Variants in ARRB1 observed in about 807,000 individuals in gnomAD.
ARRB1 encodes beta-arrestin-1.
In ARRB1, 21 loss-of-function variants were observed where a neutral mutation model predicts 56.8. The observed-to-expected ratio is 0.37, with a 90% CI of 0.26 to 0.53. The LOEUF (loss-of-function observed/expected upper bound fraction) is 0.53. Ranked by LOEUF, ARRB1 falls within the 20% of genes least tolerant of loss-of-function variation. ARRB1 has a pLI of 0.88. For missense variants in ARRB1, 424 were observed against 553.7 expected, an observed-to-expected ratio of 0.77 and a Z score of 2.35; for synonymous variants, 210 against 218.6, an observed-to-expected ratio of 0.96 and a Z score of 0.35.
chr11:75,271,917 C>G (rs759410112), intron 12 of ARRB1, among the ~76,000 whole-genome samples, 193 bp from the exon 13 acceptor site: 1 of 152,142 alleles, frequency 6.6e-6, no homozygotes, highest in Non-Finnish European at 1.5e-5. Flanking sequence ...AGCCCTGCCC[C>G]GAGGGACTGG....
intron 1 of ARRB1, among the ~76,000 whole-genome samples, chr11:75,295,186 C>A (rs1591935818): frequency 7.5e-6 from 1 of 133,294 alleles, no homozygotes; most frequent in East Asian, 2.3e-4. Flanking sequence ...TGTGCCACTG[C>A]ACTTGAGCCT....
chr11:75,342,428 G>A (rs1947704904), intron 1 of ARRB1, among the ~76,000 whole-genome samples: 1 of 152,212 alleles, frequency 6.6e-6, no homozygotes, highest in Non-Finnish European at 1.5e-5. Context: ...TCTGTCCCCA[G>A]TAATTAGGTG....
chr11:75,350,727 G>A (rs1947835644), intron 1 of ARRB1, among the ~76,000 whole-genome samples: 1 of 152,242 alleles, frequency 6.6e-6, no homozygotes, highest in African/African-American at 2.4e-5. Context: ...AGAGGGAAAG[G>A]GAACAGAGTA....
chr11:75,285,065 C>T (rs764954326), intron 3 of ARRB1, among the ~76,000 whole-genome samples: 2 of 152,206 alleles, frequency 1.3e-5, no homozygotes, highest in Non-Finnish European at 2.9e-5. Context: ...AATAGCCTCG[C>T]ATCAGTTTGG....
intron 1 of ARRB1, among the ~76,000 whole-genome samples, chr11:75,351,362 G>A (rs773935284): frequency 7.9e-5 from 12 of 152,220 alleles, no homozygotes; most frequent in Non-Finnish European, 1.3e-4. Context: ...GTGTGTCCGG[G>A]CCAGGAGCTG....
At chr11:75,341,708 C>T (rs900991157) in intron 1 of ARRB1, among the ~76,000 whole-genome samples, 1 of 152,200 alleles carries the variant, frequency 6.6e-6, no homozygotes, top group African/African-American at 2.4e-5. Flanking sequence ...ATGACACTGC[C>T]CAGCCCTGGG....
In ARRB1 at chr11:75,280,539, T is replaced by C. The variant is rs1478617880; in HGVS notation, c.482+536A>G. 1.5e-4 allele frequency among the ~76,000 whole-genome samples: 23 copies of C among 152,208 alleles called. 1 individual carries two copies. The highest frequency in any genetic ancestry group is 1.5e-5 in the Non-Finnish European group (1 of 68,042). ...TTTCTGGCTGCCAGCCTGGGCTCTC[T>C]GTCTGCCCGGGCTGTTCTTCTCCAG... On this transcript the variant is annotated intron_variant, in intron 7 of 15. Transcript: ENST00000420843.
chr11:75,303,728 T>A, intron 1 of ARRB1: 1 of 455,856 alleles, frequency 2.2e-6, no homozygotes, highest in South Asian at 1.5e-5. Flanking sequence ...AGGAGGTGCA[T>A]GTGTGATGTG....
chr11:75,293,958 C>A (rs1287843779), intron 1 of ARRB1, among the ~76,000 whole-genome samples: 1 of 152,184 alleles, frequency 6.6e-6, no homozygotes, highest in Non-Finnish European at 1.5e-5. Flanking sequence ...CAAGGCTTTT[C>A]TCCTCCTCCA....
chr11:75,346,934 G>A (rs1369703628), intron 1 of ARRB1, among the ~76,000 whole-genome samples: 3 of 152,102 alleles, frequency 2.0e-5, no homozygotes, highest in Non-Finnish European at 4.4e-5. Context: ...CCCTCACCAA[G>A]CTGCTCCCAG....
intron 1 of ARRB1, among the ~76,000 whole-genome samples, chr11:75,307,995 A>G (rs1244696092): frequency 2.6e-5 from 4 of 152,176 alleles, no homozygotes; most frequent in Non-Finnish European, 5.9e-5. Context: ...CCCATCATCA[A>G]ACTTTATCAG....
At position 75,263,831 on chromosome 11, in the gene ARRB1, G is replaced by A. The variant is rs891358430; in HGVS notation, c.*2332C>T. On this transcript the variant is annotated 3_prime_UTR_variant, in exon 16 of 16. Transcript: ENST00000420843. ...CTGGGCTAAACCCAAAAGGGTGAGC[G>A]TGATGTTGAGGTGCAGGAGGCTCGG... Among the ~76,000 whole-genome samples the A allele has an allele frequency of 4.6e-5, 7 of 152,174 alleles. No individual in the cohort carries two copies. The highest frequency in any genetic ancestry group is 1.9e-4 in the East Asian group (1 of 5,196).
chr11:75,299,593 C>A (rs775270349), intron 1 of ARRB1, among the ~76,000 whole-genome samples: 5 of 152,206 alleles, frequency 3.3e-5, no homozygotes, highest in Non-Finnish European at 7.4e-5. Context: ...CCTAATGTAT[C>A]GTATACTCAG....
Position 75,287,388 on chromosome 11 carries a change from G to T in ARRB1, c.52-13C>A. The T allele has an allele frequency of 6.4e-7, 1 of 1,556,772 alleles. No homozygotes were observed. ...GGTAGACGGTGAGCTGAGGAGGAGAGGCATAGGGGGCGTTAGCAGCTGCAG... is the reference window on the plus strand; with the variant it reads ...GGTAGACGGTGAGCTGAGGAGGAGATGCATAGGGGGCGTTAGCAGCTGCAG... On this transcript the variant is annotated splice_polypyrimidine_tract_variant and intron_variant, in intron 2 of 15. Transcript: ENST00000420843.
rs928953403 is a variant in ARRB1 at position 75,278,488 on chromosome 11, C to T, written c.618+121G>A. Reference sequence around the variant, plus strand: ...TCTCAGATTCCCTGACCCCTGTGGTCCTTGGGCTGGGGATAGAAGCTCCTA... The same window carrying T: ...TCTCAGATTCCCTGACCCCTGTGGTTCTTGGGCTGGGGATAGAAGCTCCTA... On this transcript the variant is annotated intron_variant, in intron 8 of 15. Transcript: ENST00000420843. 5.7e-6 allele frequency: 8 copies of T among 1,408,550 alleles called. No individual in the cohort carries two copies. The South Asian group carries it at 8.0e-5, about 14-fold the overall frequency. 87.3% of individuals were successfully genotyped at this position (1,408,550 alleles called of 1,614,324 possible). A position where few individuals can be genotyped will look rare whatever the true frequency, so the allele number is the denominator to read the frequency against.
At chr11:75,310,294 G>A (rs911861890) in intron 1 of ARRB1, among the ~76,000 whole-genome samples, 2 of 152,134 alleles carry the variant, frequency 1.3e-5, no homozygotes, top group African/African-American at 4.8e-5. Context: ...GTCTGTATGC[G>A]CCTGGCATGT....
intron 2 of ARRB1, 129 bp downstream of exon 2, chr11:75,289,880 G>A: frequency 2.2e-6 from 3 of 1,356,934 alleles, no homozygotes; most frequent in Non-Finnish European, 3.1e-6. Context: ...CCCTAAGACG[G>A]GGAGCAGCAC....
At chr11:75,345,150 C>T (rs1366637286) in intron 1 of ARRB1, among the ~76,000 whole-genome samples, 1 of 152,202 alleles carries the variant, frequency 6.6e-6, no homozygotes, top group African/African-American at 2.4e-5. Context: ...TAGTCACACA[C>T]AATTCTGGGG....
intron 1 of ARRB1, among the ~76,000 whole-genome samples, chr11:75,312,790 C>G (rs898310086): frequency 6.6e-6 from 1 of 152,182 alleles, no homozygotes; most frequent in Non-Finnish European, 1.5e-5. Context: ...GGCTTCAAAG[C>G]TGGAGGATGG....
Sources: allele counts gnomAD v4.1 joint callset (sites outside exome capture counted in the v4.1 genomes callset), GRCh38; gene constraint gnomAD v4.1.1; transcripts MANE v1.5; gene names NCBI Gene and HGNC (gene_info 2026-07-23, HGNC 2026-07-21).